The following SORCS2 variants were observed in gnomAD, a reference collection of about 807,000 sequenced individuals.
SORCS2 encodes the protein VPS10 domain-containing receptor SorCS2.
In SORCS2, 100 loss-of-function variants were observed where a neutral mutation model predicts 141.6. That is an observed-to-expected ratio of 0.71 (90% confidence interval 0.60 to 0.83). The LOEUF is 0.83. Ranked by LOEUF, SORCS2 falls within the 40% of genes least tolerant of loss-of-function variation. SORCS2 has a pLI of 0.00. For missense variants in SORCS2, 1,646 were observed against 1,560.2 expected (o/e 1.05, Z -0.93); for synonymous variants, 789 against 676.9 (o/e 1.17, Z -2.57).
chr4:7,674,500 G>C (rs570590682), intron 8 of SORCS2, among the ~76,000 whole-genome samples: 228 of 151,400 alleles, frequency 1.5e-3, no homozygotes, highest in South Asian at 2.5e-3. Flanking sequence ...GTGAACCCGG[G>C]GGGGCAGAGC....
intron 5 of SORCS2, among the ~76,000 whole-genome samples, chr4:7,656,663 C>G (rs1056750313): frequency 6.6e-6 from 1 of 152,226 alleles, no homozygotes; most frequent in Non-Finnish European, 1.5e-5. Context: ...TGGGCTTCAC[C>G]GGGTGTTCCT....
intron 2 of SORCS2, among the ~76,000 whole-genome samples, chr4:7,501,094 G>T (rs563063068): frequency 6.6e-6 from 1 of 152,242 alleles, no homozygotes; most frequent in East Asian, 1.9e-4. Context: ...TTTTTCTCAG[G>T]GTGCTGACCT....
In SORCS2 at chr4:7,410,949, C is replaced by CTTTTTT. The variant is rs5855962; in HGVS notation, c.548+14614_548+14619dup. On this transcript the variant is annotated intron_variant, in intron 2 of 26. Coordinates refer to ENST00000507866, the MANE Select transcript of SORCS2 (RefSeq NM_020777.3). ...GGCCCAGCAGCCTCTTCTCTCCATC[C>CTTTTTT]TTTTTTTTTTTTTTTTTTTTTTTTT... 1.0e-3 allele frequency among the ~76,000 whole-genome samples: 76 copies of CTTTTTT among 73,846 alleles called. 2 individuals are homozygous for CTTTTTT. Among genetic ancestry groups the CTTTTTT allele is most frequent in the African/African-American group, 1.2e-3 (24 of 19,804 alleles). The allele number at this position is 73,846 out of a possible 152,430, so 48.4% of individuals were successfully genotyped here.
chr4:7,356,519 G>T (rs999730289), intron 1 of SORCS2, among the ~76,000 whole-genome samples: 1 of 152,094 alleles, frequency 6.6e-6, no homozygotes, highest in African/African-American at 2.4e-5. Flanking sequence ...GAGAGAGAGA[G>T]ATCAATCTCT....
At chr4:7,305,239 G>A (rs113474240) in intron 1 of SORCS2, among the ~76,000 whole-genome samples, 3,067 of 152,228 alleles carry the variant, frequency 0.02, 47 homozygotes, top group Middle Eastern at 0.071. Flanking sequence ...CACCGTGTTA[G>A]CCAGGATGGT....
At chr4:7,332,657 GT>G (rs1452623163) in intron 1 of SORCS2, among the ~76,000 whole-genome samples, 1 of 152,260 alleles carries the variant, frequency 6.6e-6, no homozygotes, top group Non-Finnish European at 1.5e-5. Flanking sequence ...TGGGCCACCT[GT>G]CTAGAGGCAG....
intron 3 of SORCS2, among the ~76,000 whole-genome samples, chr4:7,545,713 A>G (rs975356948): frequency 5.9e-5 from 9 of 152,146 alleles, no homozygotes; most frequent in Non-Finnish European, 1.2e-4. Flanking sequence ...GGCCCTGGAG[A>G]GCCTGGTGTT....
rs1722555955 is a variant in SORCS2 at position 7,667,203 on chromosome 4, C to T, written c.1151C>T (p.Ala384Val). ...EFVLMKLPKY[A>V]LPKDLQIIST... is the part of the protein sequence containing the mutation. ...GTCCTGATGAAGCTGCCGAAGTATG[C>T]ATTGCCAAAGGTAAGGTGCTCCCCA... Residue 384 changes from alanine to valine, a missense_variant, in exon 8 of 27, where the codon GCA (alanine) becomes GTA (valine). Physicochemically the swap from Ala to Val is moderately conservative, Grantham distance 64. Coordinates refer to ENST00000507866, the MANE Select transcript of SORCS2 (RefSeq NM_020777.3). 1 of 1,613,754 alleles carries T rather than the reference C, an allele frequency of 6.2e-7. No individual in the cohort carries two copies. Among genetic ancestry groups the T allele is most frequent in the Non-Finnish European group, 8.5e-7 (1 of 1,179,682 alleles).
chr4:7,337,739 C>T (rs1720079149), intron 1 of SORCS2, among the ~76,000 whole-genome samples: 1 of 152,214 alleles, frequency 6.6e-6, no homozygotes, highest in East Asian at 1.9e-4. Flanking sequence ...CGCCCTTAGC[C>T]AATGCGTGCA....
At chr4:7,737,203 C>T (rs760314398) in intron 26 of SORCS2, 31 bp downstream of exon 26, 16 of 1,550,058 alleles carry the variant, frequency 1.0e-5, no homozygotes, top group African/African-American at 2.7e-5. Context: ...GATCTCGACT[C>T]GCAGACTCTA....
intron 2 of SORCS2, among the ~76,000 whole-genome samples, chr4:7,498,310 G>A (rs1014048260): frequency 6.6e-6 from 1 of 152,212 alleles, no homozygotes; most frequent in South Asian, 2.1e-4. Flanking sequence ...TGTGGGGATC[G>A]CAACCCTTTG....
At chr4:7,273,200 T>C (rs1715257735) in intron 1 of SORCS2, among the ~76,000 whole-genome samples, 1 of 152,124 alleles carries the variant, frequency 6.6e-6, no homozygotes, top group African/African-American at 2.4e-5. Context: ...CAGACACAAA[T>C]GCATATCAAG....
chr4:7,704,070 T>C (rs1725257696), intron 13 of SORCS2, 107 bp from the exon 14 acceptor site: 3 of 876,940 alleles, frequency 3.4e-6, no homozygotes, highest in Non-Finnish European at 5.6e-6. Context: ...ACTGGCAAGG[T>C]TGGCTAGTGC....
intron 1 of SORCS2, among the ~76,000 whole-genome samples, chr4:7,214,711 C>A (rs1728223985): frequency 6.6e-6 from 1 of 152,222 alleles, no homozygotes; most frequent in African/African-American, 2.4e-5. Context: ...GTAGAGACAG[C>A]ACATTCCGGC....
chr4:7,250,491 TATGTTTCC>T (rs1363684814), intron 1 of SORCS2, among the ~76,000 whole-genome samples: 1 of 152,264 alleles, frequency 6.6e-6, no homozygotes, highest in Non-Finnish European at 1.5e-5. Flanking sequence ...TGCATTTTTG[TATGTTTCC>T]ATAGAGACTT....
Position 7,740,338 on chromosome 4 carries a change from C to T in SORCS2, c.*74C>T. ...AGCAAAGCCGGCGGCTGGACTGGCG[C>T]CCCTCAGAGACCTGCGGAAAGCCCC... On this transcript the variant is annotated 3_prime_UTR_variant, in exon 27 of 27. Coordinates refer to ENST00000507866, the MANE Select transcript of SORCS2 (RefSeq NM_020777.3). 2 of 1,384,954 alleles carry T rather than the reference C, an allele frequency of 1.4e-6. No individual in the cohort carries two copies. The highest frequency in any genetic ancestry group is 2.0e-6 in the Non-Finnish European group (2 of 996,990). The allele number at this position is 1,384,954 out of a possible 1,614,324, so 85.8% of individuals were successfully genotyped here. A position where few individuals can be genotyped will look rare whatever the true frequency, so the allele number is the denominator to read the frequency against.
chr4:7,385,027 C>T (rs1328504072), intron 1 of SORCS2, among the ~76,000 whole-genome samples: 2 of 152,172 alleles, frequency 1.3e-5, no homozygotes, highest in African/African-American at 4.8e-5. Flanking sequence ...GCTCTGCGGG[C>T]ATTTGTGGAT....
intron 1 of SORCS2, among the ~76,000 whole-genome samples, chr4:7,314,275 C>G (rs898708018): frequency 6.6e-6 from 1 of 151,964 alleles, no homozygotes; most frequent in East Asian, 1.9e-4. Flanking sequence ...ACATGCAGGG[C>G]TCCGCATTCA....
intron 1 of SORCS2, among the ~76,000 whole-genome samples, chr4:7,335,092 A>C: frequency 6.6e-6 from 1 of 152,032 alleles, no homozygotes; most frequent in Admixed American, 6.5e-5. Flanking sequence ...GTGTCCCTTC[A>C]GCTCCCATTC....
Sources: allele counts gnomAD v4.1 joint callset (sites outside exome capture counted in the v4.1 genomes callset), GRCh38; gene constraint gnomAD v4.1.1; transcripts MANE v1.5; gene names NCBI Gene and HGNC (gene_info 2026-07-23, HGNC 2026-07-21).